The following CACNA2D3 variants were observed in gnomAD, a reference collection of about 807,000 sequenced individuals.
CACNA2D3 encodes voltage-dependent calcium channel subunit alpha-2/delta-3.
Under a neutral mutation model 160.6 loss-of-function variants are expected in CACNA2D3, and 60 were observed. The observed-to-expected ratio is 0.37, with a 90% CI of 0.30 to 0.46. The LOEUF (loss-of-function observed/expected upper bound fraction) is 0.46, where lower values mean the gene tolerates loss of function less well. CACNA2D3 is among the 20% of genes least tolerant of loss of function. The pLI is 1.00. For missense variants in CACNA2D3, 1,205 were observed against 1,365.0 expected (o/e 0.88, Z 1.85); for synonymous variants, 558 against 492.9 (o/e 1.13, Z -1.75).
At chr3:54,910,685 A>T (rs1559625700) in intron 27 of CACNA2D3, among the ~76,000 whole-genome samples, 2 of 152,138 alleles carry the variant, frequency 1.3e-5, no homozygotes, top group Non-Finnish European at 1.5e-5. Context: ...GTGATTCCCA[A>T]GCCACACTTC....
At chr3:54,609,674 A>C (rs1698708562) in intron 9 of CACNA2D3, among the ~76,000 whole-genome samples, 1 of 152,182 alleles carries the variant, frequency 6.6e-6, no homozygotes, top group Non-Finnish European at 1.5e-5. Context: ...AAATGAAAAA[A>C]ATTTTAAATA....
chr3:54,494,504 A>G (rs562499954), intron 4 of CACNA2D3, among the ~76,000 whole-genome samples: 2 of 152,280 alleles, frequency 1.3e-5, no homozygotes, highest in East Asian at 1.9e-4. Flanking sequence ...TGCATGAACC[A>G]TTATTCATTG....
intron 14 of CACNA2D3, among the ~76,000 whole-genome samples, chr3:54,819,944 A>G (rs1047626828): frequency 6.6e-6 from 1 of 152,142 alleles, no homozygotes; most frequent in Non-Finnish European, 1.5e-5. Flanking sequence ...ACCCCAACAA[A>G]GCAAAAATTT....
chr3:54,629,412 C>T (rs1397727793), intron 10 of CACNA2D3, among the ~76,000 whole-genome samples: 1 of 152,154 alleles, frequency 6.6e-6, no homozygotes, highest in African/African-American at 2.4e-5. Context: ...TCTCTTTTAC[C>T]AATAATACCT....
intron 10 of CACNA2D3, among the ~76,000 whole-genome samples, chr3:54,631,794 C>G (rs1699243138): frequency 6.6e-6 from 1 of 152,210 alleles, no homozygotes; most frequent in South Asian, 2.1e-4. Context: ...GAACACAGAG[C>G]AAGTTTGCTA....
intron 9 of CACNA2D3, among the ~76,000 whole-genome samples, chr3:54,590,635 C>T (rs944964790): frequency 2.0e-5 from 3 of 150,558 alleles, no homozygotes; most frequent in African/African-American, 7.4e-5. Flanking sequence ...TTGTAAGACA[C>T]GGGGTCTTGC....
intron 8 of CACNA2D3, among the ~76,000 whole-genome samples, chr3:54,574,655 T>G (rs1559516629): frequency 6.6e-6 from 1 of 152,258 alleles, no homozygotes; most frequent in Non-Finnish European, 1.5e-5. Context: ...CATATTTTTC[T>G]GATTCACTTT....
At chr3:54,282,863 G>A (rs887689687) in intron 2 of CACNA2D3, among the ~76,000 whole-genome samples, 111 of 148,200 alleles carry the variant, frequency 7.5e-4, no homozygotes, top group African/African-American at 2.6e-3. Flanking sequence ...TTTTTTTTTT[G>A]TCATCAAATA....
chr3:54,540,760 A>G (rs1219722861), intron 5 of CACNA2D3, among the ~76,000 whole-genome samples: 1 of 152,098 alleles, frequency 6.6e-6, no homozygotes, highest in East Asian at 1.9e-4. Context: ...TCATGATTTA[A>G]TTACCACCCA....
At chr3:54,582,577 T>C (rs1294579652) in intron 9 of CACNA2D3, among the ~76,000 whole-genome samples, 2 of 152,146 alleles carry the variant, frequency 1.3e-5, no homozygotes, top group African/African-American at 4.8e-5. Context: ...CAGTTTCACT[T>C]GAAGGTATAG....
chr3:54,421,215 C>CT (rs1290149337), intron 4 of CACNA2D3, among the ~76,000 whole-genome samples: 4 of 152,190 alleles, frequency 2.6e-5, no homozygotes, highest in Non-Finnish European at 1.5e-5. Context: ...TACCAAGGGC[C>CT]TTGTGTGCTT....
At chr3:54,943,432 C>T (rs1236788537) in intron 27 of CACNA2D3, among the ~76,000 whole-genome samples, 1 of 152,170 alleles carries the variant, frequency 6.6e-6, no homozygotes. Flanking sequence ...TACACCGGCT[C>T]ATCCTGCCCT....
chr3:54,574,540 T>G (rs1575354598), intron 8 of CACNA2D3, among the ~76,000 whole-genome samples: 1 of 152,218 alleles, frequency 6.6e-6, no homozygotes, highest in African/African-American at 2.4e-5. Flanking sequence ...GATTGAATTA[T>G]GAAAGAATAG....
intron 4 of CACNA2D3, among the ~76,000 whole-genome samples, chr3:54,446,108 G>T (rs752825304): frequency 6.6e-6 from 1 of 152,172 alleles, no homozygotes; most frequent in African/African-American, 2.4e-5. Flanking sequence ...ACATGTTTTC[G>T]GGGAGATGTC....
intron 6 of CACNA2D3, among the ~76,000 whole-genome samples, chr3:54,565,181 A>ATAACC (rs1459147322): frequency 2.0e-5 from 3 of 152,172 alleles, no homozygotes; most frequent in African/African-American, 7.2e-5. Context: ...AACCCTGGGA[A>ATAACC]CTAGTCAGGA....
intron 10 of CACNA2D3, 93 bp from the exon 11 acceptor site, chr3:54,642,035 C>T (rs915072606): frequency 4.3e-6 from 3 of 701,622 alleles, no homozygotes. Context: ...TTTTAAAAGG[C>T]TTCCTTAGTC....
intron 13 of CACNA2D3, among the ~76,000 whole-genome samples, chr3:54,776,417 A>AG (rs1171250216): frequency 6.6e-6 from 1 of 152,134 alleles, no homozygotes; most frequent in Non-Finnish European, 1.5e-5. Flanking sequence ...CGGAAGGCTG[A>AG]GGTGGGAGGA....
At chr3:54,786,047 C>T (rs1702635418) in intron 13 of CACNA2D3, among the ~76,000 whole-genome samples, 1 of 152,180 alleles carries the variant, frequency 6.6e-6, no homozygotes, top group South Asian at 2.1e-4. Context: ...TCCTGGCTAA[C>T]ACTTACCTAA....
At chr3:54,969,261 A>ATTTTTTTTTTT (rs139722160) in intron 28 of CACNA2D3, among the ~76,000 whole-genome samples, 2 of 127,796 alleles carry the variant, frequency 1.6e-5, no homozygotes, top group African/African-American at 2.8e-5. Context: ...CATAAAGTAG[A>ATTTTTTTTTTT]CTTTTTTTTT....
Sources: gnomAD v4.1 joint callset for allele counts (sites outside exome capture counted in the v4.1 genomes callset) on GRCh38, gnomAD v4.1.1 for gene constraint, MANE v1.5 for transcripts, NCBI Gene and HGNC (gene_info 2026-07-23, HGNC 2026-07-21) for gene names.